Variants in CACNA1B observed in about 807,000 individuals in gnomAD.
CACNA1B encodes voltage-dependent N-type calcium channel subunit alpha-1B.
A neutral mutation model predicts 247.2 loss-of-function variants in CACNA1B; 70 were observed. The ratio of observed to expected loss-of-function variants is 0.28; its 90% CI spans 0.23 to 0.35. The LOEUF is 0.35. CACNA1B is among the 10% of genes least tolerant of loss of function. CACNA1B has a pLI of 1.00. For missense variants in CACNA1B, 2,367 were observed against 3,197.4 expected (o/e 0.74, Z 6.26); for synonymous variants, 1,231 against 1,294.4 (o/e 0.95, Z 1.05).
rs910019887 is a variant in CACNA1B at position 138,052,027 on chromosome 9, G to A, written c.3711-65G>A. 9 of 906,566 alleles carry A rather than the reference G, an allele frequency of 9.9e-6. No homozygotes were observed. The African/African-American group carries it at 1.1e-4, about 12-fold the overall frequency. 56.2% of individuals were successfully genotyped at this position (906,566 alleles called of 1,614,324 possible). On this transcript the variant is annotated intron_variant, in intron 24 of 46. Coordinates refer to ENST00000371372, the MANE Select transcript of CACNA1B (RefSeq NM_000718.4). This position sits in a 1 kb window ranked among gnomAD's most constrained non-coding sequence, Gnocchi z 5.1. Reference sequence around the variant, plus strand: ...GGGAGCAGGACTCAGACCCTGGGGGGCCACGTGGGAGCTGGGCACACCCAT... The same window carrying A: ...GGGAGCAGGACTCAGACCCTGGGGGACCACGTGGGAGCTGGGCACACCCAT...
chr9:138,041,105 A>T (rs1959115146), intron 20 of CACNA1B, among the ~76,000 whole-genome samples: 1 of 152,164 alleles, frequency 6.6e-6, no homozygotes, highest in Non-Finnish European at 1.5e-5. Flanking sequence ...AGGCCAACTG[A>T]GGAAGGTTTT....
intron 6 of CACNA1B, among the ~76,000 whole-genome samples, chr9:137,951,837 C>T (rs1957880994): frequency 6.6e-6 from 1 of 152,190 alleles, no homozygotes; most frequent in African/African-American, 2.4e-5. Flanking sequence ...GGACTTGGGT[C>T]TGATGTGGAC....
intron 38 of CACNA1B, among the ~76,000 whole-genome samples, chr9:138,104,886 A>C (rs1961370921): frequency 6.6e-6 from 1 of 152,220 alleles, no homozygotes; most frequent in South Asian, 2.1e-4. Flanking sequence ...TCTGGGCAGC[A>C]CTGGCTGGGG....
chr9:138,059,582 C>A lies in CACNA1B; in HGVS notation c.4585-72C>A. 2.2e-6 allele frequency: 2 copies of A among 891,366 alleles called. No homozygotes were observed. The highest frequency in any genetic ancestry group is 3.8e-6 in the Non-Finnish European group (2 of 527,418). The allele number at this position is 891,366 out of a possible 1,614,324, so 55.2% of individuals were successfully genotyped here. A position where few individuals can be genotyped will look rare whatever the true frequency, so the allele number is the denominator to read the frequency against. ...TCACCGCTTTCTTAATCAGGGCCAC[C>A]ACCTATATATACCTCTTTGCCAACA... On this transcript the variant is annotated intron_variant, in intron 30 of 46. Transcript: ENST00000371372. This position sits in a 1 kb window ranked among gnomAD's most constrained non-coding sequence, Gnocchi z 4.2.
rs200800880 is a variant in CACNA1B, at chr9:138,075,929, C to T, written c.4949+19C>T. 2.6e-6 allele frequency: 4 copies of T among 1,542,218 alleles called. No individual in the cohort carries two copies. Among genetic ancestry groups the T allele is most frequent in the African/African-American group, 1.4e-5 (1 of 73,706 alleles). On this transcript the variant is annotated intron_variant, in intron 35 of 46. Transcript: ENST00000371372. ...TGTTCAGGTGTGTTGTTCGGTCAGC[C>T]CAGGCCAATGTCTGCTCTTCCGTCG...
In CACNA1B at chr9:137,889,042, G is replaced by A. The variant is rs1269836695; in HGVS notation, c.530+6159G>A. ...TGAACACAGGTGACAGCCCAGAGAC[G>A]CTGCCTTCCCGCAAGGCGACCTGAC... On this transcript the variant is annotated intron_variant, in intron 3 of 46. Transcript: ENST00000371372. 8.7e-5 allele frequency among the ~76,000 whole-genome samples: 13 copies of A among 149,652 alleles called. No homozygotes were observed. The East Asian group carries it at 2.3e-3, about 27-fold the overall frequency.
intron 6 of CACNA1B, among the ~76,000 whole-genome samples, chr9:137,933,077 C>T (rs773889446): frequency 2.0e-5 from 3 of 152,066 alleles, no homozygotes; most frequent in East Asian, 1.9e-4. Context: ...GGACTACAGG[C>T]GCGTGCCACC....
At chr9:137,968,497 AG>A (rs1026317683) in intron 10 of CACNA1B, among the ~76,000 whole-genome samples, 4 of 152,244 alleles carry the variant, frequency 2.6e-5, no homozygotes, top group African/African-American at 9.6e-5. Flanking sequence ...CACGAGGGCC[AG>A]GGGTGACAGC....
intron 10 of CACNA1B, among the ~76,000 whole-genome samples, chr9:137,968,729 G>T (rs59048050): frequency 4.4e-4 from 67 of 152,322 alleles, no homozygotes; most frequent in African/African-American, 1.5e-3. Context: ...ACAAATGGGG[G>T]TTACCCAGGA....
intron 37 of CACNA1B, among the ~76,000 whole-genome samples, chr9:138,099,834 G>A (rs1192958785): frequency 6.6e-6 from 1 of 152,264 alleles, no homozygotes; most frequent in Non-Finnish European, 1.5e-5. Context: ...CTTCAACCCT[G>A]TGGTGTGAAG....
chr9:138,112,880 C>T (rs909022116), intron 40 of CACNA1B, among the ~76,000 whole-genome samples: 5 of 140,760 alleles, frequency 3.6e-5, no homozygotes, highest in South Asian at 2.3e-4. Flanking sequence ...CGTGAGGGAG[C>T]GTGGGGAGGT....
At chr9:137,893,951 TGG>T (rs1957140500) in intron 3 of CACNA1B, among the ~76,000 whole-genome samples, 1 of 152,266 alleles carries the variant, frequency 6.6e-6, no homozygotes, top group Non-Finnish European at 1.5e-5. Flanking sequence ...CTTTACTCGC[TGG>T]CAACCACTCA....
chr9:137,907,532 C>G lies in CACNA1B; in HGVS notation c.531-5648C>G, dbSNP rs142992456. ...AAATGTAGGATGTCAAGTGGCAGCT[C>G]TTCGTTATTTTAATCTGGATTTCCC... is the stretch of plus-strand genomic sequence containing the variant. On this transcript the variant is annotated intron_variant, in intron 3 of 46. Coordinates refer to ENST00000371372, the MANE Select transcript of CACNA1B (RefSeq NM_000718.4). Among the ~76,000 whole-genome samples the G allele has an allele frequency of 6.5e-4, 99 of 152,290 alleles. No individual in the cohort carries two copies. In the East Asian group the frequency reaches 0.014, roughly 21 times the overall value.
intron 36 of CACNA1B, among the ~76,000 whole-genome samples, chr9:138,092,604 G>C (rs1960915393): frequency 6.6e-6 from 1 of 152,190 alleles, no homozygotes; most frequent in South Asian, 2.1e-4. Context: ...ACAGGGTCCT[G>C]AGGTGACATA....
chr9:138,077,424 G>T (rs1960366052), intron 35 of CACNA1B, among the ~76,000 whole-genome samples: 1 of 152,212 alleles, frequency 6.6e-6, no homozygotes, highest in African/African-American at 2.4e-5. Flanking sequence ...CGAGATGGGG[G>T]TGAAGTCAGG....
In CACNA1B at chr9:138,121,277, T is replaced by G. The variant is rs1962086394; in HGVS notation, c.6490-192T>G. On this transcript the variant is annotated intron_variant, in intron 46 of 46. Coordinates refer to ENST00000371372, the MANE Select transcript of CACNA1B (RefSeq NM_000718.4). The surrounding 1 kb of genome is among the most constrained non-coding windows in gnomAD (Gnocchi z 6.8). Reference sequence around the variant, plus strand: ...CTCTCCCCAACCCCATTCCTGGGCCTGACCCTGACCATCGCCCTCCCCCGC... The same window carrying G: ...CTCTCCCCAACCCCATTCCTGGGCCGGACCCTGACCATCGCCCTCCCCCGC... Among the ~76,000 whole-genome samples the G allele has an allele frequency of 6.6e-6, 1 of 152,108 alleles. No individual in the cohort carries two copies. The highest frequency in any genetic ancestry group is 6.5e-5 in the Admixed American group (1 of 15,280).
chr9:137,982,833 G>A (rs1174195813), intron 12 of CACNA1B, among the ~76,000 whole-genome samples: 1 of 152,198 alleles, frequency 6.6e-6, no homozygotes, highest in Non-Finnish European at 1.5e-5. Flanking sequence ...TATTGATAGG[G>A]TTATCACAGG....
chr9:138,015,712 C>A (rs1294761133), intron 18 of CACNA1B, among the ~76,000 whole-genome samples: 1 of 152,212 alleles, frequency 6.6e-6, no homozygotes. Context: ...ACAGACGGTG[C>A]CAGAACATGC....
rs1373579079 is a variant in CACNA1B at position 138,057,476 on chromosome 9, T to A, written c.3969-256T>A. Among the ~76,000 whole-genome samples, 1 of 152,234 alleles carries A rather than the reference T, an allele frequency of 6.6e-6. No individual in the cohort carries two copies. Among genetic ancestry groups the A allele is most frequent in the African/African-American group, 2.4e-5 (1 of 41,462 alleles). ...TTCCCAGATTCGAGGTCACGAAGTTTTGCCCCCGTTTTCCTCTAAGTGTTT... is the reference window on the plus strand; with the variant it reads ...TTCCCAGATTCGAGGTCACGAAGTTATGCCCCCGTTTTCCTCTAAGTGTTT... On this transcript the variant is annotated intron_variant, in intron 26 of 46. Coordinates refer to ENST00000371372, the MANE Select transcript of CACNA1B (RefSeq NM_000718.4). This position sits in a 1 kb window ranked among gnomAD's most constrained non-coding sequence, Gnocchi z 4.0.
Sources: allele counts gnomAD v4.1 joint callset (sites outside exome capture counted in the v4.1 genomes callset), GRCh38; gene constraint gnomAD v4.1.1; non-coding constraint Gnocchi (gnomAD v3.1); transcripts MANE v1.5; gene names NCBI Gene and HGNC (gene_info 2026-07-23, HGNC 2026-07-21).